ZC3H3: variants seen among roughly 807,000 people sequenced by gnomAD.
The protein encoded by ZC3H3 is zinc finger CCCH-type containing 3.
Under a neutral mutation model 77.3 loss-of-function variants are expected in ZC3H3, and 36 were observed. The observed-to-expected ratio is 0.47, with a 90% CI of 0.36 to 0.61. The LOEUF (loss-of-function observed/expected upper bound fraction) is 0.61, where lower values mean the gene tolerates loss of function less well. Among genes scored for constraint, ZC3H3 ranks in the 20% least tolerant of loss-of-function variants. The pLI is 0.00. For synonymous variants in ZC3H3, 626 were observed against 555.2 expected, an observed-to-expected ratio of 1.13 and a Z score of -1.79; for missense variants, 1,331 against 1,312.2, an observed-to-expected ratio of 1.01 and a Z score of -0.22.
chr8:143,464,047 C>T (rs746975313), intron 9 of ZC3H3, among the ~76,000 whole-genome samples: 17 of 152,226 alleles, frequency 1.1e-4, no homozygotes, highest in Non-Finnish European at 1.9e-4. Flanking sequence ...CTACTTCAGG[C>T]GCAAGGTGAC....
chr8:143,471,588 G>T (rs1032785215), intron 5 of ZC3H3, among the ~76,000 whole-genome samples: 1 of 152,234 alleles, frequency 6.6e-6, no homozygotes, highest in African/African-American at 2.4e-5. Context: ...CTCACTGGGG[G>T]CCCACACAGG....
chr8:143,500,104 C>T (rs1821481178), intron 4 of ZC3H3, among the ~76,000 whole-genome samples: 1 of 152,224 alleles, frequency 6.6e-6, no homozygotes, highest in Non-Finnish European at 1.5e-5. Context: ...CCCACAGGCC[C>T]CTGCCCTCAA....
intron 3 of ZC3H3, among the ~76,000 whole-genome samples, chr8:143,526,362 G>A (rs1822412551): frequency 6.6e-6 from 1 of 152,252 alleles, no homozygotes; most frequent in South Asian, 2.1e-4. Flanking sequence ...AAGACCAGGT[G>A]CCTGCGGGCA....
In ZC3H3 at chr8:143,533,144, C is replaced by T. The variant is rs1822676995; in HGVS notation, c.1561+3113G>A. Among the ~76,000 whole-genome samples the T allele has an allele frequency of 1.3e-5, 2 of 152,172 alleles. No homozygotes were observed. The highest frequency in any genetic ancestry group is 4.8e-5 in the African/African-American group (2 of 41,426). On this transcript the variant is annotated intron_variant, in intron 3 of 11. Coordinates refer to ENST00000262577, the MANE Select transcript of ZC3H3 (RefSeq NM_015117.3). This position sits in a 1 kb window ranked among gnomAD's most constrained non-coding sequence, Gnocchi z 4.0. ...TTCCCAACGTAACCAGAACCAACCC[C>T]CCGTTCCCTCCTGTGGCCTACAAGA...
rs369167305 is a variant in ZC3H3, at chr8:143,465,747, G to A, written c.2277C>T (p.Phe759=). The change falls in exon 9 of 12, where the codon TTC becomes TTT. Residue 759 remains phenylalanine, a synonymous_variant. Coordinates refer to ENST00000262577, the MANE Select transcript of ZC3H3 (RefSeq NM_015117.3). The stretch of plus-strand genomic sequence containing the variant: ...CACCCAGGGGGCAGTAGCCTTTGAG[G>A]AAGTCGCTGCAGACCTCGGCCTTGC... The part of the protein sequence containing the change: ...VSRKAEVCSD[F]LKGYCPLGAK... The A allele has an allele frequency of 3.2e-5, 52 of 1,613,820 alleles. No homozygotes were observed. The highest frequency in any genetic ancestry group is 1.6e-4 in the South Asian group (15 of 91,090).
intron 10 of ZC3H3, 80 bp downstream of exon 10, chr8:143,440,856 A>T: frequency 7.6e-7 from 1 of 1,311,826 alleles, no homozygotes; most frequent in Non-Finnish European, 9.7e-7. Flanking sequence ...GCGGGAGCTC[A>T]ACCAGAGGGC....
At chr8:143,531,619 G>A (rs1042938208) in intron 3 of ZC3H3, among the ~76,000 whole-genome samples, 2 of 152,124 alleles carry the variant, frequency 1.3e-5, no homozygotes, top group Admixed American at 6.5e-5. Flanking sequence ...ACACCTCCAG[G>A]CTCATTATTC....
intron 4 of ZC3H3, among the ~76,000 whole-genome samples, chr8:143,476,791 C>G (rs1451485156): frequency 1.3e-5 from 2 of 152,238 alleles, no homozygotes; most frequent in Admixed American, 6.5e-5. Context: ...TCTACGCTCC[C>G]CATCCCACAC....
At position 143,538,497 on chromosome 8, in the gene ZC3H3, C is replaced by T. The variant is rs373194764; in HGVS notation, c.870G>A (p.Arg290=). 6.8e-6 allele frequency: 11 copies of T among 1,612,780 alleles called. No individual in the cohort carries two copies. The highest frequency in any genetic ancestry group is 1.6e-4 in the Middle Eastern group (1 of 6,062). ...CAACCAGCGAGGCCTCCCGGGCCTG[C>T]CTGGGTCCTGAGGCCGGTCTGGCGG... is the stretch of plus-strand genomic sequence containing the variant. ...GGPARPASGP[R]QAREASLVVT... is the part of the protein sequence containing the mutation. Residue 290 remains arginine, a synonymous_variant, in exon 2 of 12, where the codon AGG becomes AGA. Transcript: ENST00000262577.
rs768524167 is a variant in ZC3H3 at position 143,441,076 on chromosome 8, C to A, written c.2352G>T (p.Arg784Ser). ...HTLLCPDFAR[R>S]GACPRGAQCQ... is the part of the protein sequence containing the mutation. ...ACTGGGCGCCGCGGGGACACGCCCCCCTGCGGGCAAAGTCGGGGCACAGCA... is the reference window on the plus strand; with the variant it reads ...ACTGGGCGCCGCGGGGACACGCCCCACTGCGGGCAAAGTCGGGGCACAGCA... Residue 784 changes from arginine to serine, a missense_variant, in exon 10 of 12, where the codon AGG becomes AGT. Arg to Ser is a moderately radical substitution (Grantham distance 110, BLOSUM62 -1). Transcript: ENST00000262577. The A allele has an allele frequency of 1.7e-5, 25 of 1,470,230 alleles. No homozygotes were observed. In the East Asian group the frequency reaches 2.0e-4, roughly 12 times the overall value. The allele number at this position is 1,470,230 out of a possible 1,614,324, so 91.1% of individuals were successfully genotyped here.
chr8:143,459,272 G>A (rs1003820149), intron 9 of ZC3H3, among the ~76,000 whole-genome samples: 1 of 152,226 alleles, frequency 6.6e-6, no homozygotes, highest in South Asian at 2.1e-4. Context: ...CAAGGGCCAG[G>A]TGCAATGGCT....
rs376549076 is a variant in ZC3H3 at position 143,472,324 on chromosome 8, C to T, written c.1903+3074G>A. ...GCAGAGGCCAGTCAGCAAGGGTGGCCGGGATAGACTGTTCACAGTGTGGTG... is the reference window on the plus strand; with the variant it reads ...GCAGAGGCCAGTCAGCAAGGGTGGCTGGGATAGACTGTTCACAGTGTGGTG... On this transcript the variant is annotated intron_variant, in intron 5 of 11. Transcript: ENST00000262577. Among the ~76,000 whole-genome samples, 52 of 152,362 alleles carry T rather than the reference C, an allele frequency of 3.4e-4. 1 individual carries two copies. Among genetic ancestry groups the T allele is most frequent in the Middle Eastern group, 6.8e-3 (2 of 294 alleles).
At chr8:143,465,957 G>A (rs964923568) in intron 8 of ZC3H3, 109 bp from the exon 9 acceptor site, 65 of 1,412,202 alleles carry the variant, frequency 4.6e-5, no homozygotes, top group Non-Finnish European at 5.3e-5. Flanking sequence ...ATGGACACGC[G>A]GCACCAGCAG....
In ZC3H3 at chr8:143,501,185, T is replaced by C. The variant is rs116080595; in HGVS notation, c.1715+6561A>G. Among the ~76,000 whole-genome samples the C allele has an allele frequency of 5.2e-3, 795 of 152,014 alleles. 2 individuals are homozygous for C. Among genetic ancestry groups the C allele is most frequent in the African/African-American group, 0.018 (744 of 41,434 alleles). On this transcript the variant is annotated intron_variant, in intron 4 of 11. Transcript: ENST00000262577. Reference sequence around the variant, plus strand: ...CACCAGGGCACCCAGAGTTGGGCCATGATGGAGTGCTGGGGTTTTTCATTT... The same window carrying C: ...CACCAGGGCACCCAGAGTTGGGCCACGATGGAGTGCTGGGGTTTTTCATTT...
rs1314002190 is a variant in ZC3H3, at chr8:143,460,602, C to A, written c.2307+5115G>T. On this transcript the variant is annotated intron_variant, in intron 9 of 11. Coordinates refer to ENST00000262577, the MANE Select transcript of ZC3H3 (RefSeq NM_015117.3). The surrounding 1 kb of genome is among the most constrained non-coding windows in gnomAD (Gnocchi z 4.0). Reference sequence around the variant, plus strand: ...AGTGAAAGCGGGGCTCAAACAGATACCTGGCTGTCAGGAATCACTACAGCA... The same window carrying A: ...AGTGAAAGCGGGGCTCAAACAGATAACTGGCTGTCAGGAATCACTACAGCA... 1.3e-5 allele frequency among the ~76,000 whole-genome samples: 2 copies of A among 152,182 alleles called. No individual in the cohort carries two copies. Among genetic ancestry groups the A allele is most frequent in the Non-Finnish European group, 2.9e-5 (2 of 68,036 alleles).
intron 3 of ZC3H3, among the ~76,000 whole-genome samples, chr8:143,509,412 C>G (rs374916467): frequency 1.1e-3 from 162 of 152,372 alleles, no homozygotes; most frequent in Middle Eastern, 3.4e-3. Context: ...CCGGCTGCTC[C>G]TGCCCCACCT....
At position 143,479,169 on chromosome 8, in the gene ZC3H3, G is replaced by A. The variant is rs117906287; in HGVS notation, c.1716-3584C>T. Among the ~76,000 whole-genome samples, 154 of 152,300 alleles carry A rather than the reference G, an allele frequency of 1.0e-3. No individual in the cohort carries two copies. In the East Asian group the frequency reaches 0.012, roughly 11 times the overall value. On this transcript the variant is annotated intron_variant, in intron 4 of 11. Coordinates refer to ENST00000262577, the MANE Select transcript of ZC3H3 (RefSeq NM_015117.3). Reference sequence around the variant, plus strand: ...GCCTGTGCAGGTTGGCGGGGGTGACGGAGAGCTGTCTAGGGTTGCCCTCAC... The same window carrying A: ...GCCTGTGCAGGTTGGCGGGGGTGACAGAGAGCTGTCTAGGGTTGCCCTCAC...
At chr8:143,476,469 G>A (rs574644675) in intron 4 of ZC3H3, among the ~76,000 whole-genome samples, 6 of 152,336 alleles carry the variant, frequency 3.9e-5, no homozygotes, top group African/African-American at 1.2e-4. Flanking sequence ...CCAAGGGGCA[G>A]AGTAAGACAA....
chr8:143,485,377 T>C (rs757083738), intron 4 of ZC3H3, among the ~76,000 whole-genome samples: 60 of 152,130 alleles, frequency 3.9e-4, no homozygotes, highest in Non-Finnish European at 7.1e-4. Context: ...CACAGACAAG[T>C]GGGTCAACAG....
Sources: allele counts gnomAD v4.1 joint callset (sites outside exome capture counted in the v4.1 genomes callset), GRCh38; gene constraint gnomAD v4.1.1; non-coding constraint Gnocchi (gnomAD v3.1); transcripts MANE v1.5; gene names NCBI Gene and HGNC (gene_info 2026-07-23, HGNC 2026-07-21).